Variants in NGEF observed in about 807,000 individuals in gnomAD.
NGEF encodes neuronal guanine nucleotide exchange factor.
A neutral mutation model predicts 80.9 loss-of-function variants in NGEF; 31 were observed. The ratio of observed to expected loss-of-function variants is 0.38; its 90% CI spans 0.29 to 0.52. The LOEUF is 0.52. Ranked by LOEUF, NGEF falls within the 20% of genes least tolerant of loss-of-function variation. The pLI is 0.84. For synonymous variants in NGEF, 371 were observed against 370.2 expected (o/e 1.00, Z -0.03); for missense variants, 709 against 926.2 (o/e 0.77, Z 3.04).
chr2:232,997,219 T>A (rs1259658897), intron 1 of NGEF, among the ~76,000 whole-genome samples: 1 of 152,200 alleles, frequency 6.6e-6, no homozygotes, highest in African/African-American at 2.4e-5. Context: ...ACCCGGGCCC[T>A]GGGAACCTGC....
chr2:232,968,081 A>G (rs1221067913), intron 3 of NGEF, among the ~76,000 whole-genome samples: 1 of 123,726 alleles, frequency 8.1e-6, no homozygotes, highest in Non-Finnish European at 1.7e-5. Flanking sequence ...CTGAGGGCAG[A>G]AACAGACCTG....
At chr2:232,886,808 G>C (rs1691710772) in intron 9 of NGEF, among the ~76,000 whole-genome samples, 1 of 152,260 alleles carries the variant, frequency 6.6e-6, no homozygotes, top group Non-Finnish European at 1.5e-5. Flanking sequence ...TCTGGTGGTG[G>C]CTGGAATGAA....
In NGEF at chr2:232,891,503, G is replaced by A; in HGVS notation, c.1143-16C>T. The A allele has an allele frequency of 6.2e-7, 1 of 1,609,938 alleles. No homozygotes were observed. Among genetic ancestry groups the A allele is most frequent in the Non-Finnish European group, 8.5e-7 (1 of 1,178,346 alleles). On this transcript the variant is annotated splice_polypyrimidine_tract_variant and intron_variant, in intron 7 of 14. Transcript: ENST00000264051. ...CTTCTCCTGGCTGGGGACACAGACA[G>A]GTGGAGTAGGTCTCTGAGCTGCAGG...
At position 232,906,526 on chromosome 2, in the gene NGEF, G is replaced by T. The variant is rs112337710; in HGVS notation, c.829-11610C>A. On this transcript the variant is annotated intron_variant, in intron 5 of 14. Coordinates refer to ENST00000264051, the MANE Select transcript of NGEF (RefSeq NM_019850.3). Reference sequence around the variant, plus strand: ...ACCCCGTGTGGGAGGGAGGTGGGGGGGTCAGCCCCCCGCCCGGTCAGCCGC... The same window carrying T: ...ACCCCGTGTGGGAGGGAGGTGGGGGTGTCAGCCCCCCGCCCGGTCAGCCGC... Among the ~76,000 whole-genome samples, 6 of 3,738 alleles carry T rather than the reference G, an allele frequency of 1.6e-3. 1 individual carries two copies. The highest frequency in any genetic ancestry group is 8.7e-3 in the Admixed American group (3 of 346). The allele number at this position is 3,738 out of a possible 152,430, so 2.5% of individuals were successfully genotyped here.
chr2:233,006,729 A>C (rs1695090875), intron 1 of NGEF, among the ~76,000 whole-genome samples: 1 of 152,192 alleles, frequency 6.6e-6, no homozygotes, highest in South Asian at 2.1e-4. Context: ...ATCTCATTGA[A>C]CACTCATGGC....
intron 5 of NGEF, among the ~76,000 whole-genome samples, chr2:232,900,669 C>A (rs1263801973): frequency 6.7e-6 from 1 of 150,370 alleles, no homozygotes; most frequent in Non-Finnish European, 1.5e-5. Flanking sequence ...CACTCACACA[C>A]ACACGCTCTC....
At chr2:232,972,422 GC>G (rs1694212452) in intron 2 of NGEF, among the ~76,000 whole-genome samples, 1 of 152,108 alleles carries the variant, frequency 6.6e-6, no homozygotes, top group Non-Finnish European at 1.5e-5. Flanking sequence ...TTTAAATGTG[GC>G]CACTGGAAAA....
chr2:232,940,348 C>T (rs4973574), intron 3 of NGEF, among the ~76,000 whole-genome samples: 48,946 of 152,044 alleles, frequency 0.32, 8,037 homozygotes, highest in Admixed American at 0.38. Flanking sequence ...GTCGCCAAGG[C>T]GTGGAATTCA....
At chr2:232,905,931 C>G (rs1236657485) in intron 5 of NGEF, 1 of 126,196 alleles carries the variant, frequency 7.9e-6, no homozygotes, top group African/African-American at 3.8e-5. Flanking sequence ...CCGCCCCGTC[C>G]GGGAGGTGAG....
Position 233,004,684 on chromosome 2 carries a change from C to G in NGEF, c.-75+8384G>C, listed in dbSNP as rs535842681. Reference sequence around the variant, plus strand: ...AGGCGTTTAGGAAGCAGCCCAAATGCCTTACCTGCCCTTACTGGCCCCTAC... The same window carrying G: ...AGGCGTTTAGGAAGCAGCCCAAATGGCTTACCTGCCCTTACTGGCCCCTAC... On this transcript the variant is annotated intron_variant, in intron 1 of 14. Transcript: ENST00000264051. Among the ~76,000 whole-genome samples, 6 of 152,298 alleles carry G rather than the reference C, an allele frequency of 3.9e-5. No homozygotes were observed. In the East Asian group the frequency reaches 5.8e-4, roughly 15 times the overall value.
In NGEF at chr2:232,893,054, C is replaced by A. The variant is rs772783495; in HGVS notation, c.990-4G>T. 4 of 1,609,334 alleles carry A rather than the reference C, an allele frequency of 2.5e-6. No homozygotes were observed. The Admixed American group carries it at 6.7e-5, about 27-fold the overall frequency. Reference sequence around the variant, plus strand: ...GTGCTCCAGCTCCAGGAGGAACCTACGAGAGGCAGCGGCTTGAGGCGGAGG... The same window carrying A: ...GTGCTCCAGCTCCAGGAGGAACCTAAGAGAGGCAGCGGCTTGAGGCGGAGG... On this transcript the variant is annotated splice_polypyrimidine_tract_variant and splice_region_variant and intron_variant, in intron 6 of 14. Transcript: ENST00000264051.
At position 232,974,927 on chromosome 2, in the gene NGEF, G is replaced by A; in HGVS notation, c.-37C>T. ...CAGATGTTTCTCAGCAGAACGACTG[G>A]AGGTCAATGACTTTCCCAAGCTTCA... On this transcript the variant is annotated 5_prime_UTR_variant, in exon 2 of 15. Coordinates refer to ENST00000264051, the MANE Select transcript of NGEF (RefSeq NM_019850.3). 6.3e-7 allele frequency: 1 copy of A among 1,595,074 alleles called. No homozygotes were observed. The highest frequency in any genetic ancestry group is 8.5e-7 in the Non-Finnish European group (1 of 1,172,362).
intron 1 of NGEF, among the ~76,000 whole-genome samples, chr2:232,995,697 GTAT>G (rs1406001856): frequency 7.4e-6 from 1 of 134,466 alleles, no homozygotes; most frequent in Non-Finnish European, 1.5e-5. Flanking sequence ...TATAGTGTAT[GTAT>G]TATATGTGTA....
intron 4 of NGEF, 147 bp downstream of exon 4, chr2:232,926,897 G>C (rs1338521195): frequency 9.7e-7 from 1 of 1,031,660 alleles, no homozygotes; most frequent in African/African-American, 1.6e-5. Flanking sequence ...ACCATTTAGA[G>C]CCAAACATGT....
intron 1 of NGEF, among the ~76,000 whole-genome samples, chr2:232,990,809 T>A (rs1694635938): frequency 2.0e-5 from 3 of 152,008 alleles, no homozygotes; most frequent in African/African-American, 7.2e-5. Context: ...CATCTCTTAT[T>A]AATAGAGAAG....
At chr2:232,943,912 G>A (rs568490567) in intron 3 of NGEF, among the ~76,000 whole-genome samples, 2 of 152,114 alleles carry the variant, frequency 1.3e-5, no homozygotes, top group South Asian at 4.2e-4. Flanking sequence ...ACCTCATAGA[G>A]AAGGGAATTT....
chr2:232,902,017 C>T (rs921941383), intron 5 of NGEF, among the ~76,000 whole-genome samples: 3 of 152,228 alleles, frequency 2.0e-5, no homozygotes, highest in Non-Finnish European at 2.9e-5. Context: ...ATGGCCCACT[C>T]CTCTCTCTCC....
chr2:232,908,732 C>T (rs1195425916), intron 5 of NGEF, among the ~76,000 whole-genome samples: 1 of 151,514 alleles, frequency 6.6e-6, no homozygotes, highest in Non-Finnish European at 1.5e-5. Flanking sequence ...GCTTTTGTTG[C>T]TGTTTTTTTG....
chr2:232,979,929 A>G (rs1574650825), intron 1 of NGEF, among the ~76,000 whole-genome samples: 3 of 152,134 alleles, frequency 2.0e-5, no homozygotes, highest in Admixed American at 2.0e-4. Flanking sequence ...GCATGAGTCA[A>G]TGTGATAATT....
Sources: gnomAD v4.1 joint callset for allele counts (sites outside exome capture counted in the v4.1 genomes callset) on GRCh38, gnomAD v4.1.1 for gene constraint, MANE v1.5 for transcripts, NCBI Gene and HGNC (gene_info 2026-07-23, HGNC 2026-07-21) for gene names.